The following ACTR3B variants were observed in gnomAD, a reference collection of about 807,000 sequenced individuals.
ACTR3B encodes the protein actin related protein 3B, also known as actin-related protein 3B.
ACTR3B carries 8 observed loss-of-function variants against 59.0 expected under a neutral mutation model. The observed-to-expected ratio is 0.14, with a 90% CI of 0.08 to 0.24. ACTR3B has a LOEUF of 0.24. Ranked by LOEUF, ACTR3B falls within the 10% of genes least tolerant of loss-of-function variation. ACTR3B has a pLI of 1.00. For missense variants in ACTR3B, 245 were observed against 552.3 expected, an observed-to-expected ratio of 0.44 and a Z score of 5.58; for synonymous variants, 148 against 197.9, an observed-to-expected ratio of 0.75 and a Z score of 2.12.
chr7:152,782,297 G>A (rs1355659564), intron 1 of ACTR3B, among the ~76,000 whole-genome samples: 5 of 150,274 alleles, frequency 3.3e-5, no homozygotes, highest in African/African-American at 1.2e-4. Context: ...TTGTCCAGAC[G>A]TTACTGTTAA....
chr7:152,759,868 C>T lies in ACTR3B; in HGVS notation c.-15C>T, dbSNP rs760697584. 15 of 1,316,320 alleles carry T rather than the reference C, an allele frequency of 1.1e-5. No homozygotes were observed. In the South Asian group the frequency reaches 2.8e-4, roughly 24 times the overall value. 81.5% of individuals were successfully genotyped at this position (1,316,320 alleles called of 1,614,324 possible). A position where few individuals can be genotyped will look rare whatever the true frequency, so the allele number is the denominator to read the frequency against. On this transcript the variant is annotated 5_prime_UTR_variant, in exon 1 of 12. Coordinates refer to ENST00000256001, the MANE Select transcript of ACTR3B (RefSeq NM_020445.6). ...CTCGGGCTGCCGGCGGGGCCGAGCGCCGCGCGTCCCGAGCATGGCAGGCTC... is the reference window on the plus strand; with the variant it reads ...CTCGGGCTGCCGGCGGGGCCGAGCGTCGCGCGTCCCGAGCATGGCAGGCTC...
At chr7:152,797,896 C>T (rs2098222833) in intron 2 of ACTR3B, among the ~76,000 whole-genome samples, 1 of 151,984 alleles carries the variant, frequency 6.6e-6, no homozygotes, top group Non-Finnish European at 1.5e-5. Flanking sequence ...AATAGTATTC[C>T]ACTGTTTATA....
At chr7:152,785,547 C>T (rs2116635616) in intron 2 of ACTR3B, among the ~76,000 whole-genome samples, 1 of 139,048 alleles carries the variant, frequency 7.2e-6, no homozygotes, top group African/African-American at 2.7e-5. Context: ...AAGAGGGGCC[C>T]CAGGAGTCAA....
intron 1 of ACTR3B, among the ~76,000 whole-genome samples, chr7:152,770,664 G>A (rs1199338700): frequency 6.6e-6 from 1 of 151,882 alleles, no homozygotes; most frequent in Middle Eastern, 3.4e-3. Context: ...AGTAGAATTA[G>A]TGGGAAAGTA....
intron 7 of ACTR3B, among the ~76,000 whole-genome samples, chr7:152,822,020 A>G (rs1373734153): frequency 6.6e-6 from 1 of 152,240 alleles, no homozygotes; most frequent in African/African-American, 2.4e-5. Context: ...GAGATGCTGT[A>G]GGATGTTGAC....
chr7:152,794,918 A>T lies in ACTR3B; in HGVS notation c.101-5613A>T, dbSNP rs2098210660. Among the ~76,000 whole-genome samples the T allele has an allele frequency of 3.9e-5, 6 of 152,094 alleles. No individual in the cohort carries two copies. The South Asian group carries it at 8.3e-4, about 21-fold the overall frequency. On this transcript the variant is annotated intron_variant, in intron 2 of 11. Transcript: ENST00000256001. ...CTTTGAGACTTTAAATGTGGCAGTG[A>T]GTTGCAATGAGAAAAGGAGGTGGGG...
intron 9 of ACTR3B, among the ~76,000 whole-genome samples, chr7:152,826,221 A>G (rs1191415264): frequency 6.6e-6 from 1 of 152,222 alleles, no homozygotes; most frequent in Non-Finnish European, 1.5e-5. Context: ...TAGCTATAGT[A>G]TATATTAAGT....
At chr7:152,838,795 T>A (rs1184100412) in intron 9 of ACTR3B, among the ~76,000 whole-genome samples, 1 of 152,184 alleles carries the variant, frequency 6.6e-6, no homozygotes, top group Admixed American at 6.5e-5. Flanking sequence ...CATTTGACGT[T>A]GATTGGCCCT....
chr7:152,842,195 C>CT (rs1797919634), intron 9 of ACTR3B, among the ~76,000 whole-genome samples: 1 of 152,180 alleles, frequency 6.6e-6, no homozygotes, highest in Non-Finnish European at 1.5e-5. Context: ...TGTATACGAT[C>CT]TTTTTTTCCT....
At chr7:152,852,000 A>C in intron 9 of ACTR3B, 126 bp from the exon 10 acceptor site, 1 of 1,310,136 alleles carries the variant, frequency 7.6e-7, no homozygotes, top group Non-Finnish European at 1.1e-6. Flanking sequence ...TTTTGTTCGC[A>C]TCTTTCATAG....
At chr7:152,805,384 C>T (rs2098249308) in intron 4 of ACTR3B, among the ~76,000 whole-genome samples, 1 of 152,108 alleles carries the variant, frequency 6.6e-6, no homozygotes, top group South Asian at 2.1e-4. Context: ...CGAGGAGCAG[C>T]CAGCTCCAAG....
intron 9 of ACTR3B, among the ~76,000 whole-genome samples, chr7:152,837,200 A>C (rs1258607721): frequency 1.3e-5 from 2 of 152,212 alleles, no homozygotes; most frequent in African/African-American, 4.8e-5. Context: ...AAACCAAAAA[A>C]ACAAAAAAAA....
chr7:152,768,213 A>G (rs1272132850), intron 1 of ACTR3B, among the ~76,000 whole-genome samples: 2 of 152,262 alleles, frequency 1.3e-5, no homozygotes, highest in East Asian at 1.9e-4. Flanking sequence ...ACAGAGCCAG[A>G]CGCTGTCTCA....
intron 9 of ACTR3B, among the ~76,000 whole-genome samples, chr7:152,830,517 T>G (rs1231617578): frequency 6.6e-6 from 1 of 152,230 alleles, no homozygotes; most frequent in African/African-American, 2.4e-5. Flanking sequence ...AGAAGCCTGT[T>G]GCAGGGTAAA....
intron 9 of ACTR3B, among the ~76,000 whole-genome samples, chr7:152,838,747 C>T (rs1230596138): frequency 6.6e-6 from 1 of 152,228 alleles, no homozygotes; most frequent in Non-Finnish European, 1.5e-5. Flanking sequence ...GTTTTTACAG[C>T]CACTGACCAC....
chr7:152,806,600 C>G (rs2098252766), intron 4 of ACTR3B, among the ~76,000 whole-genome samples: 1 of 152,148 alleles, frequency 6.6e-6, no homozygotes, highest in Admixed American at 6.5e-5. Context: ...CTCATGATCA[C>G]CAGTTGATTA....
chr7:152,807,755 GTTGTATTTCCTCTT>G (rs2098256784), intron 4 of ACTR3B, among the ~76,000 whole-genome samples: 1 of 152,150 alleles, frequency 6.6e-6, no homozygotes, highest in Non-Finnish European at 1.5e-5. Flanking sequence ...ACATTAGTTA[GTTGTATTTCCTCTT>G]TTGCGAGCTG....
intron 4 of ACTR3B, among the ~76,000 whole-genome samples, chr7:152,807,350 T>C (rs1227794244): frequency 6.6e-6 from 1 of 152,014 alleles, no homozygotes; most frequent in Non-Finnish European, 1.5e-5. Context: ...AATATTATAC[T>C]CCTCATTTCC....
chr7:152,794,398 A>C (rs1219976721), intron 2 of ACTR3B, among the ~76,000 whole-genome samples: 1 of 151,792 alleles, frequency 6.6e-6, no homozygotes, highest in Non-Finnish European at 1.5e-5. Flanking sequence ...TTGTATTTTT[A>C]GTAGAGTTGT....
Sources: allele counts gnomAD v4.1 joint callset (sites outside exome capture counted in the v4.1 genomes callset), GRCh38; gene constraint gnomAD v4.1.1; transcripts MANE v1.5; gene names NCBI Gene and HGNC (gene_info 2026-07-23, HGNC 2026-07-21).